PRKCB: variants seen among roughly 807,000 people sequenced by gnomAD.
PRKCB encodes protein kinase C beta.
Under a neutral mutation model 81.5 loss-of-function variants are expected in PRKCB, and 13 were observed. That is an observed-to-expected ratio of 0.16 (90% CI 0.10 to 0.25). The LOEUF (loss-of-function observed/expected upper bound fraction) is 0.25, where lower values mean the gene tolerates loss of function less well. PRKCB is among the 10% of genes least tolerant of loss of function. The pLI is 1.00. For missense variants in PRKCB, 509 were observed against 875.7 expected (o/e 0.58, Z 5.29); for synonymous variants, 335 against 321.4 (o/e 1.04, Z -0.45).
Position 23,888,330 on chromosome 16 carries a change from G to T in PRKCB, c.205+50924G>T, listed in dbSNP as rs1412089624. On this transcript the variant is annotated intron_variant, in intron 2 of 16. Coordinates refer to ENST00000643927, the MANE Select transcript of PRKCB (RefSeq NM_002738.7). ...CTCAGCTAAAGGAAGCTCCGTGAAA[G>T]CTCTCTGAGTGGGCCTATTGGCTCC... Among the ~76,000 whole-genome samples the T allele has an allele frequency of 2.6e-5, 4 of 152,204 alleles. No homozygotes were observed. The East Asian group carries it at 7.7e-4, about 29-fold the overall frequency.
At chr16:24,128,574 A>C (rs1319302264) in intron 9 of PRKCB, among the ~76,000 whole-genome samples, 4 of 152,200 alleles carry the variant, frequency 2.6e-5, no homozygotes, top group Non-Finnish European at 5.9e-5. Context: ...AACAGGCAGA[A>C]GTGTTTACCT....
At chr16:24,051,378 C>A (rs1965840293) in intron 5 of PRKCB, among the ~76,000 whole-genome samples, 1 of 152,114 alleles carries the variant, frequency 6.6e-6, no homozygotes, top group Non-Finnish European at 1.5e-5. Flanking sequence ...GGTGCTTTTA[C>A]CTGGGGTAAT....
At chr16:24,096,884 C>T (rs1189404460) in intron 7 of PRKCB, among the ~76,000 whole-genome samples, 4 of 151,370 alleles carry the variant, frequency 2.6e-5, no homozygotes, top group Non-Finnish European at 5.9e-5. Flanking sequence ...TTGTCTCATT[C>T]AGGACCTTTT....
intron 2 of PRKCB, among the ~76,000 whole-genome samples, chr16:23,865,569 GTA>G (rs61534840): frequency 0.039 from 229 of 5,860 alleles, 42 homozygotes; most frequent in Middle Eastern, 0.2. Context: ...GTGTGTGTGT[GTA>G]TATGTATATT....
chr16:23,908,793 C>G (rs928331080), intron 2 of PRKCB, among the ~76,000 whole-genome samples: 2 of 152,170 alleles, frequency 1.3e-5, no homozygotes, highest in African/African-American at 4.8e-5. Context: ...GCTGGGATTA[C>G]AGGCGTGAGC....
chr16:23,925,572 C>T (rs899992731), intron 2 of PRKCB, among the ~76,000 whole-genome samples: 2 of 152,096 alleles, frequency 1.3e-5, no homozygotes, highest in Admixed American at 6.6e-5. Flanking sequence ...CCCAGCATCC[C>T]TGTCTGAGGT....
chr16:23,875,580 A>ATACG (rs1962989061), intron 2 of PRKCB, among the ~76,000 whole-genome samples: 1 of 15,154 alleles, frequency 6.6e-5, no homozygotes, highest in African/African-American at 3.1e-4. Context: ...TATCAAACAC[A>ATACG]TATGTATATC....
intron 7 of PRKCB, among the ~76,000 whole-genome samples, chr16:24,095,303 T>C (rs1966426440): frequency 6.6e-6 from 1 of 152,116 alleles, no homozygotes; most frequent in Admixed American, 6.5e-5. Context: ...GCTAGGGCTT[T>C]TCAAAGATAG....
At chr16:24,007,442 A>G (rs1309033751) in intron 3 of PRKCB, among the ~76,000 whole-genome samples, 1 of 152,238 alleles carries the variant, frequency 6.6e-6, no homozygotes, top group African/African-American at 2.4e-5. Context: ...GATAAAATGC[A>G]GTTCTCTTGA....
chr16:24,158,333 A>C (rs750375250), intron 10 of PRKCB, among the ~76,000 whole-genome samples: 3 of 152,174 alleles, frequency 2.0e-5, no homozygotes, highest in Non-Finnish European at 4.4e-5. Context: ...AATGCCTACT[A>C]TATGTGAGGC....
chr16:24,094,178 G>C lies in PRKCB; in HGVS notation c.702G>C (p.Ser234=), dbSNP rs114093019. The change falls in exon 7 of 17, where the codon TCG becomes TCC. Residue 234 remains serine (S), a synonymous_variant. Transcript: ENST00000643927. ...CTCTATGCAGTCAGCTGAAAGAATC[G>C]GACAAAGACAGAAGACTGTCAGTAG... ...NETFRFQLKE[S]DKDRRLSVEI... 6.2e-7 allele frequency: 1 copy of C among 1,613,744 alleles called. No homozygotes were observed. The highest frequency in any genetic ancestry group is 1.1e-5 in the South Asian group (1 of 91,042).
chr16:24,057,848 G>A (rs767779637), intron 5 of PRKCB, among the ~76,000 whole-genome samples: 28 of 152,132 alleles, frequency 1.8e-4, no homozygotes, highest in African/African-American at 6.3e-4. Flanking sequence ...AAACTTTGAC[G>A]GTCTTTTGCC....
intron 7 of PRKCB, among the ~76,000 whole-genome samples, chr16:24,110,508 AC>A (rs201568281): frequency 8.9e-6 from 1 of 112,694 alleles, no homozygotes; most frequent in Non-Finnish European, 1.7e-5. Flanking sequence ...ACCATGCCCA[AC>A]CTTTTTTTTT....
chr16:23,870,378 A>G (rs990914910), intron 2 of PRKCB, among the ~76,000 whole-genome samples: 2 of 152,218 alleles, frequency 1.3e-5, no homozygotes, highest in Admixed American at 6.5e-5. Flanking sequence ...TGTATATAGC[A>G]TGTGGTATGT....
intron 8 of PRKCB, among the ~76,000 whole-genome samples, chr16:24,113,495 T>C (rs549537333): frequency 2.7e-5 from 4 of 146,854 alleles, no homozygotes; most frequent in African/African-American, 7.8e-5. Flanking sequence ...CTTCCTTCCT[T>C]TCCTCCCTTC....
intron 7 of PRKCB, among the ~76,000 whole-genome samples, chr16:24,107,106 T>C (rs1371954335): frequency 6.6e-6 from 1 of 152,260 alleles, no homozygotes; most frequent in Non-Finnish European, 1.5e-5. Context: ...GTGTTCACTG[T>C]CTCAAATGAA....
chr16:23,988,726 A>G, intron 3 of PRKCB, 136 bp downstream of exon 3: 1 of 800,766 alleles, frequency 1.2e-6, no homozygotes, highest in Non-Finnish European at 1.9e-6. Context: ...ATAGCTTTTG[A>G]GACAGTTTTC....
At position 23,910,337 on chromosome 16, in the gene PRKCB, G is replaced by A. The variant is rs146477324; in HGVS notation, c.205+72931G>A. Among the ~76,000 whole-genome samples the A allele has an allele frequency of 1.6e-4, 25 of 152,284 alleles. No homozygotes were observed. In the East Asian group the frequency reaches 4.8e-3, roughly 29 times the overall value. On this transcript the variant is annotated intron_variant, in intron 2 of 16. Transcript: ENST00000643927. ...CTGGTGTGCACTGGTGAGATTTGGG[G>A]ACGGGGTGGTACTTAAGACCTGGCA...
chr16:23,911,832 T>A (rs1452859422), intron 2 of PRKCB, among the ~76,000 whole-genome samples: 1 of 145,856 alleles, frequency 6.9e-6, no homozygotes, highest in Non-Finnish European at 1.5e-5. Flanking sequence ...CCACATTTTT[T>A]TTTTTTTTTT....
Sources: allele counts gnomAD v4.1 joint callset (sites outside exome capture counted in the v4.1 genomes callset), GRCh38; gene constraint gnomAD v4.1.1; transcripts MANE v1.5; gene names NCBI Gene and HGNC (gene_info 2026-07-23, HGNC 2026-07-21).